The following CDC16 variants were observed in gnomAD, a reference collection of about 807,000 sequenced individuals.
CDC16 encodes the protein cell division cycle protein 16 homolog.
Under a neutral mutation model 87.0 loss-of-function variants are expected in CDC16, and 34 were observed. That is an observed-to-expected ratio of 0.39 (90% CI 0.30 to 0.52). The LOEUF (loss-of-function observed/expected upper bound fraction) is 0.52. CDC16 is among the 20% of genes least tolerant of loss of function. CDC16 has a pLI of 0.74. For synonymous variants in CDC16, 263 were observed against 260.6 expected, an observed-to-expected ratio of 1.01 and a Z score of -0.09; for missense variants, 653 against 751.9, an observed-to-expected ratio of 0.87 and a Z score of 1.54.
chr13:114,247,553 T>C (rs968384241), intron 11 of CDC16, among the ~76,000 whole-genome samples: 9 of 152,196 alleles, frequency 5.9e-5, no homozygotes, highest in Middle Eastern at 3.4e-3. Flanking sequence ...GTAGACCCTA[T>C]TCTCAGGGAA....
rs186103201 is a variant in CDC16, at chr13:114,265,277, A to C, written c.1603+37A>C. 3.6e-4 allele frequency: 465 copies of C among 1,304,672 alleles called. 1 individual carries two copies. Among genetic ancestry groups the C allele is most frequent in the Admixed American group, 4.9e-4 (29 of 59,390 alleles). 80.8% of individuals were successfully genotyped at this position (1,304,672 alleles called of 1,614,324 possible). On this transcript the variant is annotated intron_variant, in intron 17 of 17. Coordinates refer to ENST00000356221, the MANE Select transcript of CDC16 (RefSeq NM_001078645.3). ...GTTATTCTTATTGGTATTGTACTCC[A>C]TTTTTTAGGTTGTCATATGTCTCTG...
Position 114,263,003 on chromosome 13 carries a change from T to C in CDC16, c.1501T>C (p.Tyr501His). 1 of 1,612,880 alleles carries C rather than the reference T, an allele frequency of 6.2e-7. No homozygotes were observed. Among genetic ancestry groups the C allele is most frequent in the Non-Finnish European group, 8.5e-7 (1 of 1,178,802 alleles). The change falls in exon 16 of 18, where the codon TAC (tyrosine) becomes CAC (histidine). Residue 501 changes from tyrosine (Y) to histidine (H), a missense_variant. By Grantham distance (83) the Tyr-to-His change is moderately conservative (BLOSUM62 2). Transcript: ENST00000356221. Reference protein sequence around the residue: ...LMGNFENAVDYFHTALGLRRD... With the variant: ...LMGNFENAVDHFHTALGLRRD... ...GGGCAACTTTGAAAATGCTGTGGAC[T>C]ACTTCCACACAGTATGTCTTTTCTT... is the stretch of plus-strand genomic sequence containing the variant.
intron 3 of CDC16, among the ~76,000 whole-genome samples, chr13:114,238,431 T>C (rs941320866): frequency 6.7e-6 from 1 of 148,846 alleles, no homozygotes; most frequent in African/African-American, 2.5e-5. Context: ...TTATTCACAC[T>C]CAGGGCCTGA....
At chr13:114,235,583 C>T (rs1275433576) in intron 1 of CDC16, among the ~76,000 whole-genome samples, 2 of 152,202 alleles carry the variant, frequency 1.3e-5, no homozygotes, top group Non-Finnish European at 2.9e-5. Context: ...TAAAAATTCT[C>T]GTTAACTATG....
At chr13:114,268,771 C>T (rs1048255484) in intron 17 of CDC16, among the ~76,000 whole-genome samples, 6 of 152,124 alleles carry the variant, frequency 3.9e-5, no homozygotes, top group Non-Finnish European at 8.8e-5. Context: ...AGCGATCACG[C>T]CACTGCACTC....
chr13:114,262,872 C>A lies in CDC16; in HGVS notation c.1377-7C>A. On this transcript the variant is annotated splice_polypyrimidine_tract_variant and splice_region_variant and intron_variant, in intron 15 of 17. Coordinates refer to ENST00000356221, the MANE Select transcript of CDC16 (RefSeq NM_001078645.3). ...ACTGTAGCCAATAATTGTGTTCTCT[C>A]CCACAGAAAGTATGCTGAGGCCTTG... 1 of 1,614,046 alleles carries A rather than the reference C, an allele frequency of 6.2e-7. No homozygotes were observed. The highest frequency in any genetic ancestry group is 1.1e-5 in the South Asian group (1 of 91,082).
chr13:114,249,221 GT>G (rs772625491), intron 11 of CDC16, among the ~76,000 whole-genome samples: 14 of 151,872 alleles, frequency 9.2e-5, no homozygotes, highest in Non-Finnish European at 1.9e-4. Flanking sequence ...CACATGTGCA[GT>G]TAACAATAGG....
At chr13:114,262,072 A>G (rs549283216) in intron 15 of CDC16, 124 bp downstream of exon 15, 1 of 534,272 alleles carries the variant, frequency 1.9e-6, no homozygotes, top group Admixed American at 3.6e-5. Context: ...CTGCTCAGAT[A>G]AAATCAGCAT....
chr13:114,250,587 G>A lies in CDC16; in HGVS notation c.1010G>A (p.Trp337Ter). 1 of 1,613,976 alleles carries A rather than the reference G, an allele frequency of 6.2e-7. No individual in the cohort carries two copies. The highest frequency in any genetic ancestry group is 8.5e-7 in the Non-Finnish European group (1 of 1,179,940). Residue 337 changes from tryptophan to a stop codon, truncating the protein, a stop_gained, in exon 12 of 18, where the codon TGG becomes TAG. Coordinates refer to ENST00000356221, the MANE Select transcript of CDC16 (RefSeq NM_001078645.3). LOFTEE classifies it high-confidence loss of function. ...CTTGAGAAAACCTATGGACCTGCAT[G>A]GATAGCCTATGGACATTCATTTGCG... ...TTLEKTYGPA[W>*]IAYGHSFAVE...
intron 17 of CDC16, among the ~76,000 whole-genome samples, chr13:114,265,764 G>A (rs1430214400): frequency 1.3e-5 from 2 of 152,122 alleles, no homozygotes; most frequent in Non-Finnish European, 2.9e-5. Flanking sequence ...TGAGGTTATT[G>A]AGATCTAGGA....
At chr13:114,254,112 C>T (rs1363501646) in intron 12 of CDC16, among the ~76,000 whole-genome samples, 2 of 152,084 alleles carry the variant, frequency 1.3e-5, no homozygotes, top group Non-Finnish European at 2.9e-5. Flanking sequence ...ACTGTAGGCA[C>T]ACCAGCTCTC....
chr13:114,236,060 A>G (rs1594540233), intron 1 of CDC16, among the ~76,000 whole-genome samples: 1 of 152,266 alleles, frequency 6.6e-6, no homozygotes, highest in African/African-American at 2.4e-5. Flanking sequence ...GGAGCAGAAC[A>G]GGGTCTAAAG....
At chr13:114,254,821 G>A (rs1349126955) in intron 12 of CDC16, among the ~76,000 whole-genome samples, 1 of 152,164 alleles carries the variant, frequency 6.6e-6, no homozygotes, top group African/African-American at 2.4e-5. Flanking sequence ...GATGGGAAGT[G>A]GGGGTCCAAC....
In CDC16 at chr13:114,234,982, G is replaced by GCGGCGA; in HGVS notation, c.-98_-97insACGGCG. The GCGGCGA allele has an allele frequency of 1.1e-6, 1 of 949,140 alleles. No homozygotes were observed. Among genetic ancestry groups the GCGGCGA allele is most frequent in the Non-Finnish European group, 1.4e-6 (1 of 727,124 alleles). 58.8% of individuals were successfully genotyped at this position (949,140 alleles called of 1,614,324 possible). On this transcript the variant is annotated 5_prime_UTR_variant, in exon 1 of 18. Coordinates refer to ENST00000356221, the MANE Select transcript of CDC16 (RefSeq NM_001078645.3). ...GCGGCCTTCGAGTCCTGGGGCGGCG[G>GCGGCGA]CGGCGGCTGCAGGCACGGGCACGGG...
chr13:114,248,079 G>A (rs942067674), intron 11 of CDC16, among the ~76,000 whole-genome samples: 8 of 152,142 alleles, frequency 5.3e-5, no homozygotes, highest in Non-Finnish European at 1.2e-4. Flanking sequence ...AGAATTCTTA[G>A]CAGGGTGAAC....
chr13:114,260,210 G>A (rs999985015), intron 14 of CDC16, among the ~76,000 whole-genome samples: 1 of 152,156 alleles, frequency 6.6e-6, no homozygotes, highest in East Asian at 1.9e-4. Flanking sequence ...CCTGCCAAGC[G>A]ATCTGCCTGT....
intron 11 of CDC16, among the ~76,000 whole-genome samples, chr13:114,249,677 C>T (rs1417591308): frequency 6.6e-6 from 1 of 152,158 alleles, no homozygotes; most frequent in Non-Finnish European, 1.5e-5. Context: ...TGACCATCAT[C>T]TATAGGATAT....
intron 14 of CDC16, among the ~76,000 whole-genome samples, chr13:114,261,110 C>A (rs2139114583): frequency 6.6e-6 from 1 of 152,200 alleles, no homozygotes; most frequent in East Asian, 1.9e-4. Context: ...CAGACATCAG[C>A]TAGGCAAAAA....
intron 5 of CDC16, among the ~76,000 whole-genome samples, chr13:114,241,446 C>T (rs919898366): frequency 1.3e-5 from 2 of 152,196 alleles, no homozygotes; most frequent in African/African-American, 4.8e-5. Context: ...CATTAAGATC[C>T]TTTTGAGGGG....
Sources: allele counts gnomAD v4.1 joint callset (sites outside exome capture counted in the v4.1 genomes callset), GRCh38; gene constraint gnomAD v4.1.1; transcripts MANE v1.5; gene names NCBI Gene and HGNC (gene_info 2026-07-23, HGNC 2026-07-21).